Variants in UNC13D observed in about 807,000 individuals in gnomAD.
UNC13D encodes the protein unc-13 homolog D, also known as protein unc-13 homolog D.
A neutral mutation model predicts 151.7 loss-of-function variants in UNC13D; 115 were observed. That is an observed-to-expected ratio of 0.76 (90% CI 0.65 to 0.88). The LOEUF is 0.88. UNC13D is among the 40% of genes least tolerant of loss of function. UNC13D has a pLI of 0.00. For missense variants in UNC13D, 1,369 were observed against 1,438.7 expected, an observed-to-expected ratio of 0.95 and a Z score of 0.78; for synonymous variants, 588 against 612.2, an observed-to-expected ratio of 0.96 and a Z score of 0.58.
Position 75,839,914 on chromosome 17 carries a change from A to G in UNC13D, c.980T>C (p.Leu327Pro), listed in dbSNP as rs1053906414. The G allele has an allele frequency of 3.1e-6, 5 of 1,613,700 alleles. No individual in the cohort carries two copies. Among genetic ancestry groups the G allele is most frequent in the Non-Finnish European group, 4.2e-6 (5 of 1,180,008 alleles). ...EAGSTSWDGS[L>P]SPQAATVLFL... ...GAGGACGGTGGCAGCCTGGGGACTC[A>G]GCGACCCGTCCCAGGAGGTGCTTCC... Residue 327 changes from leucine (L) to proline (P), a missense_variant, in exon 12 of 32, where the codon CTG (leucine) becomes CCG (proline). Physicochemically the swap from Leu to Pro is moderately conservative, Grantham distance 98. This residue lies in a region of UNC13D where 550 missense variants were observed against 609.0 expected (regional missense o/e 0.90). Transcript: ENST00000207549.
chr17:75,827,489 T>TC lies in UNC13D; in HGVS notation c.*475dup. 1 of 1,492,524 alleles carries TC rather than the reference T, an allele frequency of 6.7e-7. No individual in the cohort carries two copies. Among genetic ancestry groups the TC allele is most frequent in the Non-Finnish European group, 8.9e-7 (1 of 1,123,030 alleles). The allele number at this position is 1,492,524 out of a possible 1,614,324, so 92.5% of individuals were successfully genotyped here. A position where few individuals can be genotyped will look rare whatever the true frequency, so the allele number is the denominator to read the frequency against. ...CCCCCTCTAGTAATGGCCACCACCC[T>TC]CCCCCCAGGGCAGCTGGAGCCTCAT... On this transcript the variant is annotated 3_prime_UTR_variant, in exon 32 of 32. Transcript: ENST00000207549.
Position 75,831,141 on chromosome 17 carries a change from C to A in UNC13D, c.2582G>T (p.Gly861Val). 1 of 1,614,032 alleles carries A rather than the reference C, an allele frequency of 6.2e-7. No homozygotes were observed. Among genetic ancestry groups the A allele is most frequent in the South Asian group, 1.1e-5 (1 of 91,080 alleles). The stretch of plus-strand genomic sequence containing the variant: ...CAGGGCCTTGGGTGGCAGGCCACAG[C>A]CCTCAGCGTGGAAGCAGATCTCCAG... ...QNLEICFHAE[G>V]CGLPPKALHT... Residue 861 changes from glycine to valine, a missense_variant, in exon 27 of 32, where the codon GGC becomes GTC. Physicochemically the swap from Gly to Val is moderately radical, Grantham distance 109. This residue lies in a region of UNC13D where 807 missense variants were observed against 795.5 expected (regional missense o/e 1.01). Transcript: ENST00000207549.
intron 21 of UNC13D, 28 bp from the exon 22 acceptor site, chr17:75,834,744 G>A: frequency 1.9e-6 from 3 of 1,611,898 alleles, no homozygotes; most frequent in Non-Finnish European, 2.5e-6. Context: ...AGAGGGAACT[G>A]ATCCATGGGT....
chr17:75,835,374 C>G, intron 20 of UNC13D, 35 bp downstream of exon 20: 5 of 1,604,586 alleles, frequency 3.1e-6, no homozygotes, highest in Non-Finnish European at 4.2e-6. Flanking sequence ...ACCCCCAAAC[C>G]GGGGCCCCGC....
At position 75,840,460 on chromosome 17, in the gene UNC13D, CCCCT is replaced by C. The variant is rs750771462; in HGVS notation, c.753+43_753+46del. ...GCCTCTCCCCAGAACCCCTCCCAACCCCCTCCCTCTGCCTCGCTCCTGGGCCCCT... is the reference window on the plus strand; with the variant it reads ...GCCTCTCCCCAGAACCCCTCCCAACCCCCTCTGCCTCGCTCCTGGGCCCCT... On this transcript the variant is annotated intron_variant, in intron 9 of 31. Coordinates refer to ENST00000207549, the MANE Select transcript of UNC13D (RefSeq NM_199242.3). The surrounding 1 kb of genome is among the most constrained non-coding windows in gnomAD (Gnocchi z 4.6). 4.8e-5 allele frequency: 78 copies of C among 1,612,656 alleles called. No individual in the cohort carries two copies. In the East Asian group the frequency reaches 1.6e-3, roughly 33 times the overall value.
chr17:75,838,960 C>T (rs1335978825), intron 12 of UNC13D, among the ~76,000 whole-genome samples: 8 of 152,176 alleles, frequency 5.3e-5, no homozygotes, highest in South Asian at 2.1e-4. Flanking sequence ...ATTAGCCGGG[C>T]GCGGTGGCTG....
At chr17:75,842,944 G>A in intron 4 of UNC13D, 21 bp from the exon 5 acceptor site, 1 of 1,613,250 alleles carries the variant, frequency 6.2e-7, no homozygotes, top group Non-Finnish European at 8.5e-7. Context: ...AGGAGGGATG[G>A]CCTGAGTCCC....
chr17:75,836,271 G>GC lies in UNC13D; in HGVS notation c.1390-16dup. The GC allele has an allele frequency of 6.2e-7, 1 of 1,612,982 alleles. No individual in the cohort carries two copies. Among genetic ancestry groups the GC allele is most frequent in the South Asian group, 1.1e-5 (1 of 90,926 alleles). On this transcript the variant is annotated splice_polypyrimidine_tract_variant and intron_variant, in intron 15 of 31. Coordinates refer to ENST00000207549, the MANE Select transcript of UNC13D (RefSeq NM_199242.3). ...GTGGTGCCAGTCTGTCGACAAAGAGGCAGTGAGCAGGGAGGGACTGCCAGG... is the reference window on the plus strand; with the variant it reads ...GTGGTGCCAGTCTGTCGACAAAGAGGCCAGTGAGCAGGGAGGGACTGCCAGG...
chr17:75,835,577 A>G lies in UNC13D; in HGVS notation c.1728-48T>C, dbSNP rs3744024. On this transcript the variant is annotated intron_variant, in intron 19 of 31. Coordinates refer to ENST00000207549, the MANE Select transcript of UNC13D (RefSeq NM_199242.3). ...GTCGGGAAGGCTGGGGCCACCATGG[A>G]CCCTGGGGCCTCGTCCACCCTCCCC... is the stretch of plus-strand genomic sequence containing the variant. The G allele has an allele frequency of 0.11, 170,253 of 1,608,438 alleles. 20,652 individuals are homozygous for G. Among genetic ancestry groups the G allele is most frequent in the African/African-American group, 0.58 (43,613 of 74,816 alleles).
Position 75,844,302 on chromosome 17 carries a change from A to C in UNC13D, c.36T>G (p.Pro12=). 1 of 1,612,668 alleles carries C rather than the reference A, an allele frequency of 6.2e-7. No individual in the cohort carries two copies. Among genetic ancestry groups the C allele is most frequent in the Non-Finnish European group, 8.5e-7 (1 of 1,179,874 alleles). The change falls in exon 1 of 32, where the codon CCT becomes CCG. Residue 12 remains proline (P), a synonymous_variant. Coordinates refer to ENST00000207549, the MANE Select transcript of UNC13D (RefSeq NM_199242.3). ...TCTTGATGGCCTGGCGCAAGAAGGGAGGGCGCTGCTGCGGATGGGAGAGGA... is the reference window on the plus strand; with the variant it reads ...TCTTGATGGCCTGGCGCAAGAAGGGCGGGCGCTGCTGCGGATGGGAGAGGA... ...ATLLSHPQQR[P]PFLRQAIKIR... is the part of the protein sequence containing the mutation.
rs2064908988 is a variant in UNC13D, at chr17:75,836,369, T to C, written c.1359A>G (p.Pro453=). The C allele has an allele frequency of 6.2e-7, 1 of 1,613,798 alleles. No individual in the cohort carries two copies. Among genetic ancestry groups the C allele is most frequent in the African/African-American group, 1.3e-5 (1 of 74,914 alleles). The change falls in exon 15 of 32, where the codon CCA becomes CCG. Residue 453 remains proline (P), a synonymous_variant. Coordinates refer to ENST00000207549, the MANE Select transcript of UNC13D (RefSeq NM_199242.3). ...GGGCCTCAGTCACCAGCTGGGGCAA[T>C]GGGGCGGTGTTGGGGCACAGTTCTC... is the stretch of plus-strand genomic sequence containing the variant. ...AFGELCPNTA[P]LPQLVTEALQ...
At position 75,840,767 on chromosome 17, in the gene UNC13D, A is replaced by C; in HGVS notation, c.678T>G (p.Leu226=). ...KLGELTDLHG[L]RRIFKEARKD... is the part of the protein sequence containing the mutation. ...GTGAGCCCTGCAACACGAACCTGCG[A>C]AGCCCATGCAGATCCGTGAGCTCCC... is the stretch of plus-strand genomic sequence containing the variant. The change falls in exon 8 of 32, where the codon CTT becomes CTG. Residue 226 remains leucine, a synonymous_variant. Transcript: ENST00000207549. The surrounding 1 kb of genome is among the most constrained non-coding windows in gnomAD (Gnocchi z 4.6). The C allele has an allele frequency of 6.2e-7, 1 of 1,613,984 alleles. No homozygotes were observed. The highest frequency in any genetic ancestry group is 8.5e-7 in the Non-Finnish European group (1 of 1,180,030).
chr17:75,827,822 C>T lies in UNC13D; in HGVS notation c.*143G>A, dbSNP rs2062134068. The stretch of plus-strand genomic sequence containing the variant: ...CACCATGGGAGGCAGGGGAGGTCTG[C>T]ACTCTGGGCACTCCGCATGCTGGGG... On this transcript the variant is annotated 3_prime_UTR_variant, in exon 32 of 32. Coordinates refer to ENST00000207549, the MANE Select transcript of UNC13D (RefSeq NM_199242.3). 1 of 1,495,936 alleles carries T rather than the reference C, an allele frequency of 6.7e-7. No individual in the cohort carries two copies. Among genetic ancestry groups the T allele is most frequent in the South Asian group, 1.3e-5 (1 of 78,502 alleles). The allele number at this position is 1,495,936 out of a possible 1,614,324, so 92.7% of individuals were successfully genotyped here. A position where few individuals can be genotyped will look rare whatever the true frequency, so the allele number is the denominator to read the frequency against.
chr17:75,835,189 G>T lies in UNC13D; in HGVS notation c.1849-126C>A, dbSNP rs114363744. On this transcript the variant is annotated intron_variant, in intron 20 of 31. Transcript: ENST00000207549. ...AGGGAGCTTCACAAGAGACAAGCAC[G>T]GCTCCGCCCAGACCCCCAGGCTGCA... The T allele has an allele frequency of 2.0e-6, 3 of 1,501,680 alleles. No individual in the cohort carries two copies. The East Asian group carries it at 7.4e-5, about 37-fold the overall frequency. The allele number at this position is 1,501,680 out of a possible 1,614,324, so 93.0% of individuals were successfully genotyped here. A position where few individuals can be genotyped will look rare whatever the true frequency, so the allele number is the denominator to read the frequency against.
Position 75,844,394 on chromosome 17 carries a change from C to T in UNC13D, c.-57G>A. 1.9e-6 allele frequency: 3 copies of T among 1,538,704 alleles called. No homozygotes were observed. Among genetic ancestry groups the T allele is most frequent in the Non-Finnish European group, 2.6e-6 (3 of 1,137,186 alleles). ...GTGCTGGGTGAAGACAGCGAAGCCA[C>T]AGGATTATGCAAAGAGCCTGGGGCT... On this transcript the variant is annotated 5_prime_UTR_variant, in exon 1 of 32. It adds an upstream start codon to the 5' untranslated region. Coordinates refer to ENST00000207549, the MANE Select transcript of UNC13D (RefSeq NM_199242.3).
At chr17:75,830,314 G>A (rs1244786412) in intron 29 of UNC13D, 48 bp downstream of exon 29, 11 of 1,582,282 alleles carry the variant, frequency 7.0e-6, no homozygotes, top group Admixed American at 5.5e-5. Context: ...TGAGACAGGA[G>A]GGCCAGGACG....
chr17:75,837,283 C>T (rs2064915929), intron 12 of UNC13D, among the ~76,000 whole-genome samples: 1 of 149,664 alleles, frequency 6.7e-6, no homozygotes, highest in South Asian at 2.2e-4. Context: ...CCAGGCTGGT[C>T]TCGAACACCT....
In UNC13D at chr17:75,840,068, G is replaced by A; in HGVS notation, c.901C>T (p.His301Tyr). 6.2e-7 allele frequency: 1 copy of A among 1,613,514 alleles called. No individual in the cohort carries two copies. Among genetic ancestry groups the A allele is most frequent in the Non-Finnish European group, 8.5e-7 (1 of 1,179,964 alleles). Residue 301 changes from histidine to tyrosine, a missense_variant, in exon 11 of 32, where the codon CAC becomes TAC. By Grantham distance (83) the His-to-Tyr change is moderately conservative. Transcript: ENST00000207549. This position sits in a 1 kb window ranked among gnomAD's most constrained non-coding sequence, Gnocchi z 4.6. ...ASRSQPSYTV[H>Y]LHLLQQLVSH... is the part of the protein sequence containing the mutation. Reference sequence around the variant, plus strand: ...ACAAGCTGCTGCAGGAGGTGGAGGTGCACGGTGTAGCTCGGCTGCGAGCGG... The same window carrying A: ...ACAAGCTGCTGCAGGAGGTGGAGGTACACGGTGTAGCTCGGCTGCGAGCGG...
At position 75,832,939 on chromosome 17, in the gene UNC13D, G is replaced by A. The variant is rs746215238; in HGVS notation, c.2447+27C>T. 1.7e-5 allele frequency: 27 copies of A among 1,559,210 alleles called. No individual in the cohort carries two copies. Among genetic ancestry groups the A allele is most frequent in the Admixed American group, 5.8e-5 (3 of 51,504 alleles). ...GGGAGGAGAGGGGGAGGTGGCGAGC[G>A]CGCCCAGGGCAGGGGCTGCTACAGA... On this transcript the variant is annotated intron_variant, in intron 25 of 31. Coordinates refer to ENST00000207549, the MANE Select transcript of UNC13D (RefSeq NM_199242.3). This position sits in a 1 kb window ranked among gnomAD's most constrained non-coding sequence, Gnocchi z 4.3.
Sources: gnomAD v4.1 joint callset for allele counts (sites outside exome capture counted in the v4.1 genomes callset) on GRCh38, gnomAD v4.1.1 for gene constraint, gnomAD v4.1.1 regional missense constraint, Gnocchi (gnomAD v3.1) non-coding constraint, MANE v1.5 for transcripts, NCBI Gene and HGNC (gene_info 2026-07-23, HGNC 2026-07-21) for gene names.